Variants in RCSD1 observed in about 807,000 individuals in gnomAD.
RCSD1 encodes the protein capZ-interacting protein.
In RCSD1, 26 loss-of-function variants were observed where a neutral mutation model predicts 42.5. That is an observed-to-expected ratio of 0.61 (90% CI 0.45 to 0.85). The LOEUF (loss-of-function observed/expected upper bound fraction) is 0.85. RCSD1 is among the 40% of genes least tolerant of loss of function. The pLI is 0.00. For synonymous variants in RCSD1, 220 were observed against 212.2 expected (o/e 1.04, Z -0.32); for missense variants, 571 against 528.3 (o/e 1.08, Z -0.79).
At chr1:167,690,169 T>G (rs531354604) in intron 4 of RCSD1, 49 bp downstream of exon 4, 2 of 1,577,984 alleles carry the variant, frequency 1.3e-6, no homozygotes, top group South Asian at 2.2e-5. Context: ...TAACTCCACT[T>G]CTTATCCAAA....
At chr1:167,633,698 C>T (rs1657758996) in intron 1 of RCSD1, 1 of 152,218 alleles carries the variant, frequency 6.6e-6, no homozygotes, top group Non-Finnish European at 1.5e-5. Flanking sequence ...CTGGATTCTG[C>T]TCCATGGACA....
intron 1 of RCSD1, among the ~76,000 whole-genome samples, chr1:167,649,669 A>G (rs1264403995): frequency 6.6e-6 from 1 of 152,212 alleles, no homozygotes; most frequent in Non-Finnish European, 1.5e-5. Flanking sequence ...AGACCAGGAA[A>G]GCTGGGCTTC....
At chr1:167,657,013 T>C (rs1227397215) in intron 1 of RCSD1, among the ~76,000 whole-genome samples, 1 of 152,236 alleles carries the variant, frequency 6.6e-6, no homozygotes, top group African/African-American at 2.4e-5. Context: ...TATGCCAGCA[T>C]GTGACCCTGG....
intron 1 of RCSD1, chr1:167,640,622 T>C (rs534503142): frequency 6.6e-6 from 1 of 152,602 alleles, no homozygotes; most frequent in Admixed American, 6.5e-5. Context: ...CAATCATGGC[T>C]CACTGCAGCC....
At chr1:167,694,439 G>A (rs1267636865) in intron 5 of RCSD1, 137 bp downstream of exon 5, 1 of 813,476 alleles carries the variant, frequency 1.2e-6, no homozygotes, top group Non-Finnish European at 1.9e-6. Flanking sequence ...GTTAACCCAA[G>A]TGAAATTTCT....
chr1:167,683,696 A>G (rs900124502), intron 1 of RCSD1, among the ~76,000 whole-genome samples: 2 of 152,176 alleles, frequency 1.3e-5, no homozygotes, highest in Non-Finnish European at 2.9e-5. Context: ...CCCCAAAGCC[A>G]CACCCCGGGC....
intron 1 of RCSD1, among the ~76,000 whole-genome samples, chr1:167,662,324 G>T (rs952737143): frequency 6.6e-6 from 1 of 152,244 alleles, no homozygotes; most frequent in Non-Finnish European, 1.5e-5. Flanking sequence ...ATCCCCTGGG[G>T]TGCTGGGGGA....
chr1:167,642,962 T>A (rs4657694), intron 1 of RCSD1, among the ~76,000 whole-genome samples: 68,736 of 151,936 alleles, frequency 0.45, 15,637 homozygotes, highest in East Asian at 0.64. Flanking sequence ...TGATTATTGA[T>A]TTTGTAGTAG....
intron 2 of RCSD1, among the ~76,000 whole-genome samples, chr1:167,684,977 AT>A (rs1659189216): frequency 6.6e-6 from 1 of 152,206 alleles, no homozygotes; most frequent in South Asian, 2.1e-4. Context: ...TTTGCCTTGC[AT>A]TTTTAGGTGC....
At chr1:167,645,002 G>A (rs889446478) in intron 1 of RCSD1, among the ~76,000 whole-genome samples, 2 of 152,196 alleles carry the variant, frequency 1.3e-5, no homozygotes, top group African/African-American at 2.4e-5. Flanking sequence ...TTTTGATTAA[G>A]GACCCCAGGT....
At chr1:167,643,953 G>A (rs1658066610) in intron 1 of RCSD1, among the ~76,000 whole-genome samples, 1 of 152,206 alleles carries the variant, frequency 6.6e-6, no homozygotes, top group Non-Finnish European at 1.5e-5. Context: ...TCCAGCCTGA[G>A]AGTTTGACAG....
chr1:167,665,729 GA>G, intron 1 of RCSD1, among the ~76,000 whole-genome samples: 1 of 152,094 alleles, frequency 6.6e-6, no homozygotes, highest in Non-Finnish European at 1.5e-5. Context: ...GCTTATTAGT[GA>G]TTCATATGTA....
chr1:167,674,546 T>C (rs1658894575), intron 1 of RCSD1, among the ~76,000 whole-genome samples: 1 of 152,238 alleles, frequency 6.6e-6, no homozygotes, highest in African/African-American at 2.4e-5. Flanking sequence ...TCACAGACTG[T>C]GCAACCACCA....
chr1:167,676,759 C>T (rs115662339), intron 1 of RCSD1, among the ~76,000 whole-genome samples: 96 of 152,318 alleles, frequency 6.3e-4, no homozygotes, highest in African/African-American at 2.2e-3. Context: ...CCTGGAGGAC[C>T]CTCCCAGGCA....
At chr1:167,701,319 T>TCTTTCTTTCTTTCTTTCTTTC (rs1553252220) in intron 6 of RCSD1, among the ~76,000 whole-genome samples, 88 of 136,822 alleles carry the variant, frequency 6.4e-4, no homozygotes, top group East Asian at 8.6e-4. Flanking sequence ...TTTCTTTCTT[T>TCTTTCTTTCTTTCTTTCTTTC]TTTTTAGATG....
intron 1 of RCSD1, among the ~76,000 whole-genome samples, chr1:167,663,330 C>T (rs1658580362): frequency 6.6e-6 from 1 of 152,246 alleles, no homozygotes; most frequent in Non-Finnish European, 1.5e-5. Context: ...ACTGTGGCCA[C>T]ACCCCTGAGG....
Position 167,661,402 on chromosome 1 carries a change from G to A in RCSD1, c.7-22498G>A, listed in dbSNP as rs577402475. Reference sequence around the variant, plus strand: ...CCTGTGCTTGGACGTTAGGCTGATCGCAGACAGACAAGCATGGGCCAGTCT... The same window carrying A: ...CCTGTGCTTGGACGTTAGGCTGATCACAGACAGACAAGCATGGGCCAGTCT... On this transcript the variant is annotated intron_variant, in intron 1 of 6. Transcript: ENST00000367854. 9.2e-5 allele frequency among the ~76,000 whole-genome samples: 14 copies of A among 152,342 alleles called. No individual in the cohort carries two copies. The South Asian group carries it at 1.0e-3, about 11-fold the overall frequency.
chr1:167,636,190 G>C (rs1031985840), intron 1 of RCSD1, among the ~76,000 whole-genome samples: 2 of 152,186 alleles, frequency 1.3e-5, no homozygotes, highest in African/African-American at 4.8e-5. Flanking sequence ...TATTTGAATG[G>C]ATCAAATCCT....
rs561259979 is a variant in RCSD1 at position 167,661,004 on chromosome 1, G to A, written c.7-22896G>A. Reference sequence around the variant, plus strand: ...TAAATCTCATTGCTTTCAACTAGGGGCCTAAAGAAGTCCCTGCTTGATCTT... The same window carrying A: ...TAAATCTCATTGCTTTCAACTAGGGACCTAAAGAAGTCCCTGCTTGATCTT... On this transcript the variant is annotated intron_variant, in intron 1 of 6. Transcript: ENST00000367854. Among the ~76,000 whole-genome samples, 10 of 152,294 alleles carry A rather than the reference G, an allele frequency of 6.6e-5. No individual in the cohort carries two copies. In the South Asian group the frequency reaches 2.1e-3, roughly 32 times the overall value.
Sources: gnomAD v4.1 joint callset for allele counts (sites outside exome capture counted in the v4.1 genomes callset) on GRCh38, gnomAD v4.1.1 for gene constraint, MANE v1.5 for transcripts, NCBI Gene and HGNC (gene_info 2026-07-23, HGNC 2026-07-21) for gene names.